Variants in ARHGAP10 observed in about 807,000 individuals in gnomAD.
ARHGAP10 encodes the protein Rho GTPase activating protein 10.
A neutral mutation model predicts 108.6 loss-of-function variants in ARHGAP10; 87 were observed. The ratio of observed to expected loss-of-function variants is 0.80; its 90% CI spans 0.67 to 0.96. The LOEUF is 0.96. Among genes scored for constraint, ARHGAP10 ranks in the 40% least tolerant of loss-of-function variants. The pLI is 0.00. For synonymous variants in ARHGAP10, 347 were observed against 341.1 expected, an observed-to-expected ratio of 1.02 and a Z score of -0.19; for missense variants, 939 against 954.5, an observed-to-expected ratio of 0.98 and a Z score of 0.21.
At chr4:148,037,843 A>AG (rs2149674265) in intron 19 of ARHGAP10, among the ~76,000 whole-genome samples, 2 of 152,050 alleles carry the variant, frequency 1.3e-5, no homozygotes, top group East Asian at 3.9e-4. Context: ...CAAAAAAAAA[A>AG]AAAAAGAAAA....
chr4:147,784,829 TA>T lies in ARHGAP10; in HGVS notation c.155-37895del, dbSNP rs1207120579. 1.8e-4 allele frequency among the ~76,000 whole-genome samples: 5 copies of T among 28,066 alleles called. 2 individuals carry two copies. In the East Asian group the frequency reaches 9.1e-3, roughly 51 times the overall value. The allele number at this position is 28,066 out of a possible 152,430, so 18.4% of individuals were successfully genotyped here. On this transcript the variant is annotated intron_variant, in intron 1 of 22. Coordinates refer to ENST00000336498, the MANE Select transcript of ARHGAP10 (RefSeq NM_024605.4). ...ATAATATATTATAAAATATATATTA[TA>T]AATATATTATAAAATATATATTATA...
intron 20 of ARHGAP10, among the ~76,000 whole-genome samples, chr4:148,050,745 C>T (rs1377247905): frequency 1.3e-5 from 2 of 152,196 alleles, no homozygotes; most frequent in African/African-American, 4.8e-5. Flanking sequence ...TTACCATTTG[C>T]TCCTTACTGT....
intron 15 of ARHGAP10, among the ~76,000 whole-genome samples, chr4:147,948,611 A>C (rs1738476271): frequency 6.6e-6 from 1 of 152,128 alleles, no homozygotes; most frequent in Admixed American, 6.5e-5. Flanking sequence ...CTGTAGATAA[A>C]GATTTTTCAA....
intron 1 of ARHGAP10, among the ~76,000 whole-genome samples, chr4:147,809,381 G>A (rs900866735): frequency 2.0e-5 from 3 of 152,096 alleles, no homozygotes; most frequent in African/African-American, 7.2e-5. Flanking sequence ...TCTTAAATTA[G>A]CTTCCTCTCT....
intron 10 of ARHGAP10, among the ~76,000 whole-genome samples, chr4:147,897,412 A>G (rs1327928763): frequency 1.3e-5 from 2 of 152,038 alleles, no homozygotes; most frequent in African/African-American, 2.4e-5. Context: ...TGATCCATAT[A>G]TAATGTTTGA....
At chr4:147,822,691 C>G (rs1377758652) in intron 1 of ARHGAP10, 36 bp from the exon 2 acceptor site, 2 of 1,587,262 alleles carry the variant, frequency 1.3e-6, no homozygotes, top group South Asian at 1.1e-5. Flanking sequence ...TGACATAAAA[C>G]AAGAACCCAA....
chr4:147,854,917 T>G, intron 4 of ARHGAP10: 1 of 967,904 alleles, frequency 1.0e-6, no homozygotes, highest in Non-Finnish European at 1.2e-6. Context: ...CCTTTTTCTT[T>G]CATTCCCAAC....
At chr4:147,824,578 C>A (rs1327277894) in intron 3 of ARHGAP10, among the ~76,000 whole-genome samples, 3 of 152,032 alleles carry the variant, frequency 2.0e-5, no homozygotes, top group Non-Finnish European at 4.4e-5. Flanking sequence ...GCTGGGGAGG[C>A]CTCGGGAAAC....
intron 1 of ARHGAP10, among the ~76,000 whole-genome samples, chr4:147,821,627 A>G (rs761623662): frequency 2.6e-5 from 4 of 152,230 alleles, no homozygotes; most frequent in Non-Finnish European, 5.9e-5. Flanking sequence ...GTGGTGGAGC[A>G]GGGGCTATAT....
At chr4:148,029,913 G>C (rs772874159) in intron 19 of ARHGAP10, among the ~76,000 whole-genome samples, 5 of 152,086 alleles carry the variant, frequency 3.3e-5, no homozygotes, top group African/African-American at 7.2e-5. Context: ...GGCTGTAATT[G>C]AGTTGTGGCG....
At chr4:147,863,683 G>T (rs1156878898) in intron 5 of ARHGAP10, 1 of 152,154 alleles carries the variant, frequency 6.6e-6, no homozygotes, top group Admixed American at 6.5e-5. Flanking sequence ...TGGGAGTTGT[G>T]CCTGTTAACT....
At chr4:147,765,602 C>T (rs1433247081) in intron 1 of ARHGAP10, among the ~76,000 whole-genome samples, 1 of 152,066 alleles carries the variant, frequency 6.6e-6, no homozygotes, top group African/African-American at 2.4e-5. Flanking sequence ...GAGTTCGAGA[C>T]AGGCCTGACC....
intron 18 of ARHGAP10, among the ~76,000 whole-genome samples, chr4:148,007,401 A>T (rs1484550754): frequency 6.6e-6 from 1 of 152,230 alleles, no homozygotes; most frequent in Non-Finnish European, 1.5e-5. Context: ...GGGAGTGTTT[A>T]TCAGGGATGG....
At chr4:147,974,949 C>T (rs1305726824) in intron 18 of ARHGAP10, among the ~76,000 whole-genome samples, 1 of 152,158 alleles carries the variant, frequency 6.6e-6, no homozygotes, top group Admixed American at 6.5e-5. Context: ...GACCCACCCC[C>T]ATGATTCAAT....
At chr4:147,950,770 T>C (rs898170462) in intron 15 of ARHGAP10, among the ~76,000 whole-genome samples, 9 of 152,180 alleles carry the variant, frequency 5.9e-5, no homozygotes, top group African/African-American at 2.2e-4. Flanking sequence ...TTCTTATCTA[T>C]GCAGACCATT....
intron 3 of ARHGAP10, among the ~76,000 whole-genome samples, chr4:147,824,751 T>G (rs904270049): frequency 6.6e-6 from 1 of 151,874 alleles, no homozygotes; most frequent in South Asian, 2.1e-4. Context: ...GCCACCCCCA[T>G]GATCCAATTA....
At chr4:148,018,928 A>G (rs1473768537) in intron 18 of ARHGAP10, among the ~76,000 whole-genome samples, 2 of 152,234 alleles carry the variant, frequency 1.3e-5, no homozygotes, top group Admixed American at 6.5e-5. Context: ...TACTTACCTC[A>G]AAGGCTGTTG....
rs70958593 is a variant in ARHGAP10, at chr4:147,895,512, C to CAAA, written c.1035-11105_1035-11103dup. Reference sequence around the variant, plus strand: ...GTAATGAGATAATGAGACCCTGTCTCAAAAAAAAAAAAAAAAAAAAAAATT... The same window carrying CAAA: ...GTAATGAGATAATGAGACCCTGTCTCAAAAAAAAAAAAAAAAAAAAAAAAAATT... On this transcript the variant is annotated intron_variant, in intron 10 of 22. Coordinates refer to ENST00000336498, the MANE Select transcript of ARHGAP10 (RefSeq NM_024605.4). Among the ~76,000 whole-genome samples, 162 of 84,964 alleles carry CAAA rather than the reference C, an allele frequency of 1.9e-3. 1 individual carries two copies. Among genetic ancestry groups the CAAA allele is most frequent in the African/African-American group, 4.2e-3 (86 of 20,250 alleles). 55.7% of individuals were successfully genotyped at this position (84,964 alleles called of 152,430 possible).
intron 4 of ARHGAP10, among the ~76,000 whole-genome samples, chr4:147,852,123 C>CT (rs1705267303): frequency 6.6e-6 from 1 of 152,186 alleles, no homozygotes; most frequent in African/African-American, 2.4e-5. Context: ...CCATTCATGA[C>CT]TTGCTCCCCA....
Sources: allele counts gnomAD v4.1 joint callset (sites outside exome capture counted in the v4.1 genomes callset), GRCh38; gene constraint gnomAD v4.1.1; transcripts MANE v1.5; gene names NCBI Gene and HGNC (gene_info 2026-07-23, HGNC 2026-07-21).